CACNA1E: variants seen among roughly 807,000 people sequenced by gnomAD.
The protein encoded by CACNA1E is voltage-dependent R-type calcium channel subunit alpha-1E.
In CACNA1E, 40 loss-of-function variants were observed where a neutral mutation model predicts 259.2. That is an observed-to-expected ratio of 0.15 (90% CI 0.12 to 0.20). The LOEUF (loss-of-function observed/expected upper bound fraction) is 0.20, where lower values mean the gene tolerates loss of function less well. CACNA1E is among the 10% of genes least tolerant of loss of function. The pLI is 1.00. For missense variants in CACNA1E, 1,874 were observed against 3,040.1 expected, an observed-to-expected ratio of 0.62 and a Z score of 9.02; for synonymous variants, 1,104 against 1,138.5, an observed-to-expected ratio of 0.97 and a Z score of 0.61.
intron 1 of CACNA1E, among the ~76,000 whole-genome samples, chr1:181,357,856 C>A (rs1304040922): frequency 6.6e-6 from 1 of 152,170 alleles, no homozygotes; most frequent in African/African-American, 2.4e-5. Context: ...CTCTTAGCAT[C>A]ATGAATGAGG....
chr1:181,483,494 C>A, upstream of CACNA1E: 7 of 238,404 alleles, frequency 2.9e-5, no homozygotes, highest in East Asian at 7.4e-5. Flanking sequence ...CTTTTTTTTT[C>A]TTTTTTCTTT....
At chr1:181,484,783 C>T (rs1458610057) in intron 1 of CACNA1E, among the ~76,000 whole-genome samples, 1 of 152,212 alleles carries the variant, frequency 6.6e-6, no homozygotes, top group East Asian at 1.9e-4. Context: ...CTCCCAGTAT[C>T]CAGGATCCAG....
chr1:181,347,976 C>T (rs932257004), intron 1 of CACNA1E, among the ~76,000 whole-genome samples: 37 of 152,368 alleles, frequency 2.4e-4, no homozygotes, highest in African/African-American at 8.2e-4. Context: ...CATCCAGAGG[C>T]GGCTCACAGC....
chr1:181,540,599 T>G (rs1668506537), intron 3 of CACNA1E, among the ~76,000 whole-genome samples: 1 of 152,108 alleles, frequency 6.6e-6, no homozygotes, highest in Admixed American at 6.5e-5. Flanking sequence ...CTGAAAGAGC[T>G]CATAGAACGC....
chr1:181,560,606 A>G (rs918707335), intron 3 of CACNA1E, among the ~76,000 whole-genome samples: 2 of 152,204 alleles, frequency 1.3e-5, no homozygotes, highest in African/African-American at 2.4e-5. Flanking sequence ...CTACTGTTAA[A>G]ACACTAAAGT....
chr1:181,691,551 A>G (rs1204272947), intron 7 of CACNA1E, among the ~76,000 whole-genome samples: 1 of 152,098 alleles, frequency 6.6e-6, no homozygotes, highest in African/African-American at 2.4e-5. Context: ...CAAAATACCA[A>G]AACATTGCCA....
intron 3 of CACNA1E, among the ~76,000 whole-genome samples, chr1:181,543,135 G>A (rs1384665982): frequency 2.6e-5 from 4 of 151,910 alleles, no homozygotes; most frequent in South Asian, 4.1e-4. Flanking sequence ...CATCAGAATT[G>A]TCTGGAAAGC....
At chr1:181,550,487 A>G (rs1252811427) in intron 3 of CACNA1E, among the ~76,000 whole-genome samples, 1 of 151,962 alleles carries the variant, frequency 6.6e-6, no homozygotes, top group African/African-American at 2.4e-5. Context: ...AGACTCCAAG[A>G]GGCCCTGAAT....
Position 181,651,361 on chromosome 1 carries a change from C to G in CACNA1E, c.975C>G (p.Thr325=), listed in dbSNP as rs768069842. 5.6e-6 allele frequency: 9 copies of G among 1,613,184 alleles called. No homozygotes were observed. The East Asian group carries it at 2.0e-4, about 36-fold the overall frequency. Residue 325 remains threonine (T), a synonymous_variant, in exon 7 of 48, where the codon ACC becomes ACG. Coordinates refer to ENST00000367573, the MANE Select transcript of CACNA1E (RefSeq NM_001205293.3). The part of the protein sequence containing the change: ...LYNTNDALGA[T]WNWLYFIPLI... ...AGACCAATGATGCCTTAGGAGCCACCTGGAATTGGCTGTACTTCATCCCCC... is the reference window on the plus strand; with the variant it reads ...AGACCAATGATGCCTTAGGAGCCACGTGGAATTGGCTGTACTTCATCCCCC...
chr1:181,494,248 A>G (rs761777201), intron 1 of CACNA1E, among the ~76,000 whole-genome samples: 26 of 152,208 alleles, frequency 1.7e-4, no homozygotes, highest in Non-Finnish European at 3.5e-4. Context: ...TTACCAGATA[A>G]TAAGGCAATG....
rs142274224 is a variant in CACNA1E, at chr1:181,558,565, A to G, written c.513-19201A>G. Among the ~76,000 whole-genome samples, 1,071 of 152,340 alleles carry G rather than the reference A, an allele frequency of 7.0e-3. 8 individuals are homozygous for G. Among genetic ancestry groups the G allele is most frequent in the Non-Finnish European group, 0.012 (815 of 68,028 alleles). ...TTTAAACCTAGCCAGGGTGAGGTGC[A>G]TGCGAGAGCCCTGAAATGTGAAAGC... On this transcript the variant is annotated intron_variant, in intron 3 of 47. Transcript: ENST00000367573.
intron 7 of CACNA1E, chr1:181,669,125 A>G (rs2102185724): frequency 6.6e-6 from 1 of 152,288 alleles, no homozygotes; most frequent in South Asian, 2.1e-4. Flanking sequence ...AACAAAACTA[A>G]CATTGGTTGG....
chr1:181,645,953 T>G (rs906242768), intron 6 of CACNA1E, among the ~76,000 whole-genome samples: 1 of 152,176 alleles, frequency 6.6e-6, no homozygotes. Context: ...GAGGGTGTGC[T>G]GGCCTGTGAG....
At chr1:181,438,426 G>C (rs895570348) in intron 2 of CACNA1E, among the ~76,000 whole-genome samples, 6 of 152,184 alleles carry the variant, frequency 3.9e-5, no homozygotes, top group Non-Finnish European at 8.8e-5. Flanking sequence ...ATTGTGGATG[G>C]GGAATGGTGC....
chr1:181,791,096 C>A (rs1026480782), intron 44 of CACNA1E, among the ~76,000 whole-genome samples: 23 of 152,178 alleles, frequency 1.5e-4, no homozygotes, highest in African/African-American at 5.5e-4. Context: ...GCACATTGTC[C>A]CTTTTGGTCA....
chr1:181,465,485 C>A (rs1389951819), intron 2 of CACNA1E, among the ~76,000 whole-genome samples: 1 of 151,990 alleles, frequency 6.6e-6, no homozygotes, highest in Non-Finnish European at 1.5e-5. Context: ...TTCATTCTGT[C>A]TTCCATGTCT....
At chr1:181,785,117 GC>G (rs1660745631) in intron 41 of CACNA1E, among the ~76,000 whole-genome samples, 200 bp from the exon 42 acceptor site, 1 of 152,146 alleles carries the variant, frequency 6.6e-6, no homozygotes, top group African/African-American at 2.4e-5. Flanking sequence ...GGGCATGCAA[GC>G]CCCCTGAGGA....
chr1:181,766,538 C>G lies in CACNA1E; in HGVS notation c.4816-8C>G, dbSNP rs1253672384. On this transcript the variant is annotated splice_region_variant and splice_polypyrimidine_tract_variant and intron_variant, in intron 34 of 47. Transcript: ENST00000367573. Reference sequence around the variant, plus strand: ...TTGATTAACGTCTTATCTCTGCTTTCCTTCCAGGCCCTCCCTTATGTCTGC... The same window carrying G: ...TTGATTAACGTCTTATCTCTGCTTTGCTTCCAGGCCCTCCCTTATGTCTGC... 1 of 1,609,150 alleles carries G rather than the reference C, an allele frequency of 6.2e-7. No individual in the cohort carries two copies. The highest frequency in any genetic ancestry group is 1.3e-5 in the African/African-American group (1 of 74,952).
At position 181,640,595 on chromosome 1, in the gene CACNA1E, A is replaced by G. The variant is rs142337238; in HGVS notation, c.952-10743A>G. On this transcript the variant is annotated intron_variant, in intron 6 of 47. Transcript: ENST00000367573. ...TGATAAATTAATTCGCCTTCTGCTC[A>G]GAATTCATTGAGGAGGGAAGAATGG... is the stretch of plus-strand genomic sequence containing the variant. 3.8e-3 allele frequency among the ~76,000 whole-genome samples: 573 copies of G among 152,342 alleles called. 4 individuals are homozygous for G. Among genetic ancestry groups the G allele is most frequent in the African/African-American group, 0.013 (550 of 41,580 alleles).
Sources: gnomAD v4.1 joint callset for allele counts (sites outside exome capture counted in the v4.1 genomes callset) on GRCh38, gnomAD v4.1.1 for gene constraint, MANE v1.5 for transcripts, NCBI Gene and HGNC (gene_info 2026-07-23, HGNC 2026-07-21) for gene names.